PCDHGA3: variants seen among roughly 807,000 people sequenced by gnomAD.
The protein encoded by PCDHGA3 is protocadherin gamma-A3.
Under a neutral mutation model 58.5 loss-of-function variants are expected in PCDHGA3, and 40 were observed. The ratio of observed to expected loss-of-function variants is 0.68; its 90% confidence interval spans 0.53 to 0.89. The LOEUF is 0.89. Among genes scored for constraint, PCDHGA3 ranks in the 40% least tolerant of loss-of-function variants. The pLI is 0.00. For synonymous variants in PCDHGA3, 530 were observed against 525.7 expected (o/e 1.01, Z -0.11); for missense variants, 1,223 against 1,195.9 (o/e 1.02, Z -0.33).
chr5:141,464,263 TAAA>T (rs35224477), intron 1 of PCDHGA3, among the ~76,000 whole-genome samples: 2 of 103,604 alleles, frequency 1.9e-5, no homozygotes, highest in Non-Finnish European at 1.9e-5. Flanking sequence ...AGACTCCGTC[TAAA>T]AAAAAAAAAA....
At chr5:141,392,722 A>G in intron 1 of PCDHGA3, 1 of 1,389,524 alleles carries the variant, frequency 7.2e-7, no homozygotes, top group African/African-American at 1.5e-5. Context: ...AGGTTTCCGG[A>G]GGATTGTCAT....
At chr5:141,394,250 C>T (rs749533197) in intron 1 of PCDHGA3, 15 of 1,613,784 alleles carry the variant, frequency 9.3e-6, no homozygotes, top group Non-Finnish European at 1.0e-5. Flanking sequence ...CACACGACCC[C>T]GACAGCCAGG....
chr5:141,383,036 G>T, intron 1 of PCDHGA3: 1 of 1,613,876 alleles, frequency 6.2e-7, no homozygotes, highest in Non-Finnish European at 8.5e-7. Flanking sequence ...TCCTTTGTGG[G>T]AGACATCGCC....
chr5:141,423,805 G>GT (rs1384575574), intron 1 of PCDHGA3: 44 of 1,261,806 alleles, frequency 3.5e-5, no homozygotes, highest in South Asian at 8.9e-5. Context: ...AGCAATACAT[G>GT]TGAGTTTTAC....
chr5:141,431,351 C>A lies in PCDHGA3; in HGVS notation c.2425-63456C>A. On this transcript the variant is annotated intron_variant, in intron 1 of 3. Coordinates refer to ENST00000253812, the MANE Select transcript of PCDHGA3 (RefSeq NM_018916.4). The surrounding 1 kb of genome is among the most constrained non-coding windows in gnomAD (Gnocchi z 4.8). ...TAAGTACCCCGAATTGGTGCTGAAA[C>A]GCGCCCTGGACCGCGAAGAAAAGGC... The A allele has an allele frequency of 6.2e-7, 1 of 1,614,064 alleles. No individual in the cohort carries two copies. The highest frequency in any genetic ancestry group is 8.5e-7 in the Non-Finnish European group (1 of 1,180,042).
chr5:141,430,255 T>TC (rs11167746), intron 1 of PCDHGA3, among the ~76,000 whole-genome samples: 81,857 of 151,872 alleles, frequency 0.54, 24,107 homozygotes, highest in African/African-American at 0.79. Flanking sequence ...GGGAGACATC[T>TC]CCATAATAGG....
intron 1 of PCDHGA3, chr5:141,361,516 G>T (rs750174731): frequency 2.5e-6 from 4 of 1,613,942 alleles, no homozygotes; most frequent in Non-Finnish European, 3.4e-6. Context: ...CATGGTTCAC[G>T]TGGCAGAGAA....
intron 1 of PCDHGA3, chr5:141,399,985 G>A (rs775731140): frequency 6.2e-7 from 1 of 1,612,396 alleles, no homozygotes; most frequent in South Asian, 1.1e-5. Flanking sequence ...GCTGCGCACA[G>A]GAGAGGTGCG....
At position 141,347,288 on chromosome 5, in the gene PCDHGA3, G is replaced by T. The variant is rs113039525; in HGVS notation, c.2424+831G>T. Among the ~76,000 whole-genome samples the T allele has an allele frequency of 9.0e-3, 1,364 of 151,872 alleles. 21 individuals are homozygous for T. Among genetic ancestry groups the T allele is most frequent in the African/African-American group, 0.031 (1,293 of 41,352 alleles). ...CCCACCTCAGCCTCCCGAGTAGCTG[G>T]GACTACAGGCACGAGCCACCCTCCC... is the stretch of plus-strand genomic sequence containing the variant. On this transcript the variant is annotated intron_variant, in intron 1 of 3. Transcript: ENST00000253812.
chr5:141,481,071 A>G (rs887828386), intron 1 of PCDHGA3, among the ~76,000 whole-genome samples: 19 of 152,172 alleles, frequency 1.2e-4, no homozygotes, highest in African/African-American at 4.6e-4. Context: ...AACAAAAAGA[A>G]AGAAAGAAAA....
intron 1 of PCDHGA3, chr5:141,422,940 C>T (rs769630623): frequency 2.0e-5 from 32 of 1,614,124 alleles, no homozygotes; most frequent in Admixed American, 5.0e-5. Flanking sequence ...TCCCCACAGA[C>T]GGCTCCACTG....
In PCDHGA3 at chr5:141,344,538, A is replaced by T. The variant is rs1229655553; in HGVS notation, c.505A>T (p.Asn169Tyr). The T allele has an allele frequency of 2.5e-6, 4 of 1,614,034 alleles. No individual in the cohort carries two copies. The highest frequency in any genetic ancestry group is 3.4e-6 in the Non-Finnish European group (4 of 1,179,900). The change falls in exon 1 of 4, where the codon AAC becomes TAC. Residue 169 changes from asparagine to tyrosine, a missense_variant. By Grantham distance (143) the Asn-to-Tyr change is moderately radical. This residue lies in a region of PCDHGA3 where 791 missense variants were observed against 708.5 expected (regional missense o/e 1.12). Coordinates refer to ENST00000253812, the MANE Select transcript of PCDHGA3 (RefSeq NM_018916.4). Reference protein sequence around the residue: ...DPDVGINSLQNYKLSPNDYFS... With the variant: ...DPDVGINSLQYYKLSPNDYFS... ...AGATGTAGGCATTAACTCCCTGCAGAACTACAAGCTTAGCCCCAATGACTA... is the reference window on the plus strand; with the variant it reads ...AGATGTAGGCATTAACTCCCTGCAGTACTACAAGCTTAGCCCCAATGACTA...
intron 1 of PCDHGA3, chr5:141,426,906 C>T (rs2096969568): frequency 4.4e-6 from 2 of 456,654 alleles, no homozygotes; most frequent in Admixed American, 2.3e-5. Context: ...CTCTCATCTC[C>T]TGGTCCTGGA....
At chr5:141,393,222 G>T (rs950133126) in intron 1 of PCDHGA3, 2 of 1,613,670 alleles carry the variant, frequency 1.2e-6, no homozygotes, top group East Asian at 2.2e-5. Flanking sequence ...CCAGGTCGAA[G>T]ATCTAGAAGT....
rs756423770 is a variant in PCDHGA3 at position 141,430,950 on chromosome 5, T to G, written c.2425-63857T>G. 8 of 1,609,862 alleles carry G rather than the reference T, an allele frequency of 5.0e-6. No individual in the cohort carries two copies. The East Asian group carries it at 1.6e-4, about 31-fold the overall frequency. On this transcript the variant is annotated intron_variant, in intron 1 of 3. Coordinates refer to ENST00000253812, the MANE Select transcript of PCDHGA3 (RefSeq NM_018916.4). ...CCCCGGGAGCTCGCGGAGCGCGGAG[T>G]CCGCATCATCCCCAGAGGTAGGACG...
chr5:141,484,709 C>G (rs1223957454), intron 1 of PCDHGA3, among the ~76,000 whole-genome samples: 1 of 151,072 alleles, frequency 6.6e-6, no homozygotes, highest in Non-Finnish European at 1.5e-5. Context: ...TTTTCCCCGC[C>G]GAAAAGGGGC....
chr5:141,414,375 G>C, intron 1 of PCDHGA3: 1 of 1,613,854 alleles, frequency 6.2e-7, no homozygotes, highest in Non-Finnish European at 8.5e-7. Flanking sequence ...AATTAGAAAA[G>C]TCCATTGACA....
At chr5:141,395,264 A>G in intron 1 of PCDHGA3, 1 of 1,549,832 alleles carries the variant, frequency 6.5e-7, no homozygotes, top group Non-Finnish European at 8.7e-7. Flanking sequence ...GCTTGCTTTT[A>G]ATTTCCAGAT....
Position 141,345,708 on chromosome 5 carries a change from G to C in PCDHGA3, c.1675G>C (p.Ala559Pro). 1 of 1,614,208 alleles carries C rather than the reference G, an allele frequency of 6.2e-7. No homozygotes were observed. The highest frequency in any genetic ancestry group is 8.5e-7 in the Non-Finnish European group (1 of 1,180,050). ...GTTCGTGCTGGACCAGAACGACAAC[G>C]CGCCCGAGATCCTGTACCCCGCCCT... ...NLFVLDQNDN[A>P]PEILYPALPT... Residue 559 changes from alanine to proline, a missense_variant, in exon 1 of 4, where the codon GCG becomes CCG. Coordinates refer to ENST00000253812, the MANE Select transcript of PCDHGA3 (RefSeq NM_018916.4).
Sources: allele counts gnomAD v4.1 joint callset (sites outside exome capture counted in the v4.1 genomes callset), GRCh38; gene constraint gnomAD v4.1.1; regional missense constraint gnomAD v4.1.1; non-coding constraint Gnocchi (gnomAD v3.1); transcripts MANE v1.5; gene names NCBI Gene and HGNC (gene_info 2026-07-23, HGNC 2026-07-21).